Variants in ZNF148 observed in about 807,000 individuals in gnomAD.
ZNF148 encodes the protein zinc finger protein 148.
Under a neutral mutation model 67.7 loss-of-function variants are expected in ZNF148, and 7 were observed. The ratio of observed to expected loss-of-function variants is 0.10; its 90% CI spans 0.06 to 0.19. The LOEUF (loss-of-function observed/expected upper bound fraction) is 0.19, where lower values mean the gene tolerates loss of function less well. Among genes scored for constraint, ZNF148 ranks in the 10% least tolerant of loss-of-function variants. The pLI is 1.00. For missense variants in ZNF148, 583 were observed against 947.1 expected (o/e 0.62, Z 5.05); for synonymous variants, 333 against 330.7 (o/e 1.01, Z -0.08).
In ZNF148 at chr3:125,329,554, C is replaced by T. The variant is rs569501898; in HGVS notation, c.-153+1604G>A. Among the ~76,000 whole-genome samples, 205 of 151,548 alleles carry T rather than the reference C, an allele frequency of 1.4e-3. 1 individual carries two copies. Among genetic ancestry groups the T allele is most frequent in the Non-Finnish European group, 2.3e-3 (157 of 67,862 alleles). ...TGTATTTTTAGTATAGCTGGGGTTT[C>T]ACCATGTTGGCCAAGCTAGTCTCGA... is the stretch of plus-strand genomic sequence containing the variant. On this transcript the variant is annotated intron_variant, in intron 2 of 8. Transcript: ENST00000360647.
At chr3:125,325,517 G>A (rs1940980522) in intron 2 of ZNF148, among the ~76,000 whole-genome samples, 1 of 152,030 alleles carries the variant, frequency 6.6e-6, no homozygotes, top group Non-Finnish European at 1.5e-5. Flanking sequence ...CCAGGCTGGA[G>A]TGCGATAGTA....
rs542277560 is a variant in ZNF148 at position 125,226,114 on chromosome 3, G to A, written c.*6227C>T. The A allele has an allele frequency of 2.0e-5, 3 of 152,562 alleles. No individual in the cohort carries two copies. Among genetic ancestry groups the A allele is most frequent in the South Asian group, 2.1e-4 (1 of 4,834 alleles). 9.5% of individuals were successfully genotyped at this position (152,562 alleles called of 1,614,324 possible). ...AAAGAAAAGAACACATATTTTCTTC[G>A]CTCTATGATAAACACGTTTCAAGTC... On this transcript the variant is annotated 3_prime_UTR_variant, in exon 9 of 9. Transcript: ENST00000360647.
At chr3:125,316,648 T>C (rs1447970797) in intron 3 of ZNF148, among the ~76,000 whole-genome samples, 1 of 152,234 alleles carries the variant, frequency 6.6e-6, no homozygotes, top group African/African-American at 2.4e-5. Context: ...ATCTCTTCTT[T>C]TGAGAAATGT....
At chr3:125,362,799 C>A (rs1942585188) in intron 1 of ZNF148, among the ~76,000 whole-genome samples, 1 of 152,166 alleles carries the variant, frequency 6.6e-6, no homozygotes, top group Non-Finnish European at 1.5e-5. Flanking sequence ...AAGCAATATG[C>A]CCACCTCAGC....
At chr3:125,300,379 T>C (rs1939524173) in intron 4 of ZNF148, among the ~76,000 whole-genome samples, 1 of 152,212 alleles carries the variant, frequency 6.6e-6, no homozygotes. Context: ...CCAAAACTAC[T>C]ACTGAATCCC....
chr3:125,350,117 C>T (rs1942085593), intron 1 of ZNF148, among the ~76,000 whole-genome samples: 1 of 152,028 alleles, frequency 6.6e-6, no homozygotes, highest in African/African-American at 2.4e-5. Flanking sequence ...TTCCAGAAAT[C>T]CCACTTGTGC....
At chr3:125,299,108 C>T (rs1939448412) in intron 4 of ZNF148, among the ~76,000 whole-genome samples, 2 of 152,138 alleles carry the variant, frequency 1.3e-5, no homozygotes, top group African/African-American at 4.8e-5. Context: ...TTTCTTCTAC[C>T]TTGTTTTAAT....
At chr3:125,368,037 T>C (rs776021575) in intron 1 of ZNF148, among the ~76,000 whole-genome samples, 15 of 152,200 alleles carry the variant, frequency 9.9e-5, no homozygotes, top group Non-Finnish European at 1.5e-4. Flanking sequence ...ATTTAGTTCC[T>C]CTCTGAGATC....
At chr3:125,344,835 GT>G (rs2035632885) in intron 1 of ZNF148, 1 of 324,386 alleles carries the variant, frequency 3.1e-6, no homozygotes, top group Non-Finnish European at 5.9e-6. Flanking sequence ...GAGGATGCAG[GT>G]GGCAGGCGAT....
chr3:125,244,148 A>C (rs9870428), intron 7 of ZNF148, among the ~76,000 whole-genome samples: 117,430 of 152,106 alleles, frequency 0.77, 45,873 homozygotes, highest in African/African-American at 0.85. Context: ...CAAGGGCCCT[A>C]AAGTTTCTCT....
At chr3:125,318,920 G>A (rs745504231) in intron 3 of ZNF148, among the ~76,000 whole-genome samples, 18 of 151,962 alleles carry the variant, frequency 1.2e-4, no homozygotes, top group African/African-American at 1.7e-4. Context: ...ATCCCTCTGC[G>A]AGAGAAACTG....
chr3:125,272,686 ATC>A (rs921347921), intron 7 of ZNF148, among the ~76,000 whole-genome samples: 1 of 152,074 alleles, frequency 6.6e-6, no homozygotes, highest in Non-Finnish European at 1.5e-5. Context: ...CATATAAATG[ATC>A]TCTTTTATGT....
At chr3:125,336,701 G>A (rs1238283357) in intron 1 of ZNF148, among the ~76,000 whole-genome samples, 4 of 11,064 alleles carry the variant, frequency 3.6e-4, no homozygotes, top group African/African-American at 7.0e-4. Flanking sequence ...TTTTTGAGAT[G>A]TAGTCTTGCT....
At chr3:125,334,142 T>A (rs1235172500) in intron 1 of ZNF148, among the ~76,000 whole-genome samples, 1 of 152,202 alleles carries the variant, frequency 6.6e-6, no homozygotes, top group Admixed American at 6.5e-5. Flanking sequence ...TTTGCAGAAG[T>A]CATTAGCTAC....
At chr3:125,348,186 G>A (rs1942014987) in intron 1 of ZNF148, among the ~76,000 whole-genome samples, 1 of 152,000 alleles carries the variant, frequency 6.6e-6, no homozygotes, top group Non-Finnish European at 1.5e-5. Flanking sequence ...TTGAGCCTGG[G>A]AGATCAAGGC....
chr3:125,240,372 T>C (rs962947148), intron 7 of ZNF148, among the ~76,000 whole-genome samples: 3 of 152,040 alleles, frequency 2.0e-5, no homozygotes, highest in African/African-American at 7.2e-5. Flanking sequence ...ATACACAAAC[T>C]GGAGAAAACC....
chr3:125,261,502 A>C (rs955337581), intron 7 of ZNF148, among the ~76,000 whole-genome samples: 3 of 152,178 alleles, frequency 2.0e-5, no homozygotes, highest in African/African-American at 4.8e-5. Flanking sequence ...GAATATGATA[A>C]ATGTTGACAA....
intron 7 of ZNF148, among the ~76,000 whole-genome samples, chr3:125,252,914 T>C (rs1936907950): frequency 6.6e-6 from 1 of 152,210 alleles, no homozygotes; most frequent in South Asian, 2.1e-4. Context: ...GTGCCAATTA[T>C]ACAATGTTTC....
Position 125,233,964 on chromosome 3 carries a change from G to A in ZNF148, c.787-25C>T. On this transcript the variant is annotated intron_variant, in intron 8 of 8. Coordinates refer to ENST00000360647, the MANE Select transcript of ZNF148 (RefSeq NM_021964.3). This position sits in a 1 kb window ranked among gnomAD's most constrained non-coding sequence, Gnocchi z 5.1. Reference sequence around the variant, plus strand: ...ACTGTTGAATTCAGAGGATGGTAGTGGGTTGTTTGTGGTTTTGGTCAACCA... The same window carrying A: ...ACTGTTGAATTCAGAGGATGGTAGTAGGTTGTTTGTGGTTTTGGTCAACCA... 4 of 1,547,080 alleles carry A rather than the reference G, an allele frequency of 2.6e-6. No homozygotes were observed. Among genetic ancestry groups the A allele is most frequent in the Non-Finnish European group, 3.5e-6 (4 of 1,156,258 alleles).
Sources: allele counts gnomAD v4.1 joint callset (sites outside exome capture counted in the v4.1 genomes callset), GRCh38; gene constraint gnomAD v4.1.1; non-coding constraint Gnocchi (gnomAD v3.1); transcripts MANE v1.5; gene names NCBI Gene and HGNC (gene_info 2026-07-23, HGNC 2026-07-21).